The following ZFPM2 variants were observed in gnomAD, a reference collection of about 807,000 sequenced individuals.
ZFPM2 encodes the protein zinc finger protein ZFPM2.
ZFPM2 carries 20 observed loss-of-function variants against 98.6 expected under a neutral mutation model. That is an observed-to-expected ratio of 0.20 (90% confidence interval 0.14 to 0.29). The LOEUF (loss-of-function observed/expected upper bound fraction) is 0.29. Ranked by LOEUF, ZFPM2 falls within the 10% of genes least tolerant of loss-of-function variation. The pLI is 1.00. For synonymous variants in ZFPM2, 518 were observed against 502.7 expected (o/e 1.03, Z -0.41); for missense variants, 1,310 against 1,388.6 (o/e 0.94, Z 0.90).
rs190692644 is a variant in ZFPM2 at position 105,400,043 on chromosome 8, C to G, written c.41-19101C>G. Among the ~76,000 whole-genome samples, 702 of 152,254 alleles carry G rather than the reference C, an allele frequency of 4.6e-3. 5 individuals carry two copies. The highest frequency in any genetic ancestry group is 0.016 in the African/African-American group (668 of 41,552). On this transcript the variant is annotated intron_variant, in intron 1 of 7. Transcript: ENST00000407775. Reference sequence around the variant, plus strand: ...TCGGCCTCCCAAAGTGCTAGGATTACAGGTGTGAGCCACTGCCCCTGGCCT... The same window carrying G: ...TCGGCCTCCCAAAGTGCTAGGATTAGAGGTGTGAGCCACTGCCCCTGGCCT...
At chr8:105,365,744 AC>A (rs1480230378) in intron 1 of ZFPM2, among the ~76,000 whole-genome samples, 1 of 152,154 alleles carries the variant, frequency 6.6e-6, no homozygotes, top group Non-Finnish European at 1.5e-5. Flanking sequence ...ATCAAGACAG[AC>A]TGACGTGCTC....
At position 105,794,308 on chromosome 8, in the gene ZFPM2, C is replaced by G. The variant is rs535786957; in HGVS notation, c.740-4416C>G. Among the ~76,000 whole-genome samples, 388 of 152,330 alleles carry G rather than the reference C, an allele frequency of 2.5e-3. 2 individuals carry two copies. The highest frequency in any genetic ancestry group is 8.4e-3 in the African/African-American group (350 of 41,560). On this transcript the variant is annotated intron_variant, in intron 6 of 7. Transcript: ENST00000407775. ...CCTTCTAACAAACAGACAGGACCCT[C>G]AGCTGCAGGTCTGTTGGAGTTTGCT...
chr8:105,491,319 TG>T (rs1813351818), intron 3 of ZFPM2, among the ~76,000 whole-genome samples: 1 of 152,134 alleles, frequency 6.6e-6, no homozygotes, highest in African/African-American at 2.4e-5. Flanking sequence ...TAATAATAAA[TG>T]TTAATCAAAA....
chr8:105,636,656 C>G (rs1178645813), intron 5 of ZFPM2, among the ~76,000 whole-genome samples: 5 of 152,048 alleles, frequency 3.3e-5, no homozygotes, highest in African/African-American at 1.2e-4. Flanking sequence ...GCTACCTGTA[C>G]AAGAAAAGCA....
intron 5 of ZFPM2, among the ~76,000 whole-genome samples, chr8:105,692,697 C>T (rs913538085): frequency 1.3e-5 from 2 of 152,174 alleles, no homozygotes; most frequent in Admixed American, 6.5e-5. Flanking sequence ...GTACCATGCT[C>T]ATTTTGGAAT....
intron 3 of ZFPM2, among the ~76,000 whole-genome samples, chr8:105,471,508 G>A (rs1334715323): frequency 2.6e-5 from 4 of 152,166 alleles, no homozygotes; most frequent in African/African-American, 7.2e-5. Flanking sequence ...GGATGGGATA[G>A]CTTACTCAGC....
chr8:105,704,779 C>T (rs1170853775), intron 5 of ZFPM2, among the ~76,000 whole-genome samples: 1 of 152,184 alleles, frequency 6.6e-6, no homozygotes, highest in Non-Finnish European at 1.5e-5. Context: ...GACTACAGTT[C>T]AACTCCACAA....
chr8:105,592,595 A>G (rs2130767441), intron 4 of ZFPM2, among the ~76,000 whole-genome samples: 1 of 152,230 alleles, frequency 6.6e-6, no homozygotes, highest in South Asian at 2.1e-4. Flanking sequence ...GACACACAAA[A>G]CCCATATGCA....
At chr8:105,342,200 A>G (rs1812443152) in intron 1 of ZFPM2, among the ~76,000 whole-genome samples, 1 of 152,056 alleles carries the variant, frequency 6.6e-6, no homozygotes, top group African/African-American at 2.4e-5. Flanking sequence ...TATTTAAGTG[A>G]TAAGTTAACC....
At chr8:105,438,852 G>T (rs182786068) in intron 2 of ZFPM2, among the ~76,000 whole-genome samples, 8 of 152,090 alleles carry the variant, frequency 5.3e-5, no homozygotes, top group Non-Finnish European at 1.2e-4. Context: ...GCTTCTTCAT[G>T]GTCAGTCTCT....
At chr8:105,458,379 C>T (rs982066233) in intron 3 of ZFPM2, among the ~76,000 whole-genome samples, 3 of 151,938 alleles carry the variant, frequency 2.0e-5, no homozygotes, top group East Asian at 3.9e-4. Flanking sequence ...GAATGTTACA[C>T]TCCGTGTAAA....
At chr8:105,458,373 GT>G (rs1332942474) in intron 3 of ZFPM2, among the ~76,000 whole-genome samples, 1 of 151,818 alleles carries the variant, frequency 6.6e-6, no homozygotes, top group Non-Finnish European at 1.5e-5. Flanking sequence ...TGAAATGAAT[GT>G]TACACTCCGT....
intron 4 of ZFPM2, among the ~76,000 whole-genome samples, chr8:105,598,073 T>C (rs1349583225): frequency 6.6e-6 from 1 of 150,908 alleles, no homozygotes; most frequent in African/African-American, 2.4e-5. Flanking sequence ...AACCTTTTTT[T>C]TTTTTTTTTT....
intron 4 of ZFPM2, among the ~76,000 whole-genome samples, chr8:105,602,457 A>C (rs930843535): frequency 1.3e-5 from 2 of 152,094 alleles, no homozygotes; most frequent in Non-Finnish European, 2.9e-5. Context: ...AACTGTTCCC[A>C]CTTATGTTCC....
intron 2 of ZFPM2, among the ~76,000 whole-genome samples, chr8:105,440,995 CA>C (rs34981992): frequency 5.4e-5 from 8 of 147,828 alleles, no homozygotes; most frequent in African/African-American, 7.4e-5. Context: ...ACTAAAAATA[CA>C]AAAAAAAAAT....
At chr8:105,503,475 A>G (rs1243929015) in intron 3 of ZFPM2, among the ~76,000 whole-genome samples, 1 of 152,208 alleles carries the variant, frequency 6.6e-6, no homozygotes, top group Non-Finnish European at 1.5e-5. Context: ...TTGGGAAAAT[A>G]GTCTATGGAA....
chr8:105,576,541 A>G (rs1421353765), intron 4 of ZFPM2, among the ~76,000 whole-genome samples: 2 of 152,148 alleles, frequency 1.3e-5, no homozygotes, highest in African/African-American at 2.4e-5. Context: ...ACTCTTAACT[A>G]TTGGTTAAAA....
chr8:105,555,595 A>T (rs2130678857), intron 3 of ZFPM2, among the ~76,000 whole-genome samples: 1 of 152,320 alleles, frequency 6.6e-6, no homozygotes, highest in Admixed American at 6.5e-5. Flanking sequence ...GGGAATAAAC[A>T]GAATTATTAA....
At position 105,632,466 on chromosome 8, in the gene ZFPM2, G is replaced by A. The variant is rs117606648; in HGVS notation, c.421-1780G>A. Among the ~76,000 whole-genome samples the A allele has an allele frequency of 5.2e-3, 790 of 152,166 alleles. 4 individuals are homozygous for A. Among genetic ancestry groups the A allele is most frequent in the Middle Eastern group, 0.01 (3 of 294 alleles). On this transcript the variant is annotated intron_variant, in intron 4 of 7. Coordinates refer to ENST00000407775, the MANE Select transcript of ZFPM2 (RefSeq NM_012082.4). ...ATTGTAGGAGTGAGCCACCACGCCC[G>A]ACCACCAGATCCTGATCTATGGATT...
Sources: gnomAD v4.1 joint callset for allele counts (sites outside exome capture counted in the v4.1 genomes callset) on GRCh38, gnomAD v4.1.1 for gene constraint, MANE v1.5 for transcripts, NCBI Gene and HGNC (gene_info 2026-07-23, HGNC 2026-07-21) for gene names.